The following GRIN1 variants were observed in gnomAD, a reference collection of about 807,000 sequenced individuals.
The protein encoded by GRIN1 is glutamate ionotropic receptor NMDA type subunit 1.
In GRIN1, 38 loss-of-function variants were observed where a neutral mutation model predicts 103.0. The observed-to-expected ratio is 0.37, with a 90% CI of 0.28 to 0.48. The LOEUF is 0.48. GRIN1 is among the 20% of genes least tolerant of loss of function. The pLI is 0.98. For missense variants in GRIN1, 577 were observed against 1,288.9 expected, an observed-to-expected ratio of 0.45 and a Z score of 8.46; for synonymous variants, 544 against 532.7, an observed-to-expected ratio of 1.02 and a Z score of -0.29.
chr9:137,164,980 C>T (rs984534187), intron 18 of GRIN1: 11 of 574,910 alleles, frequency 1.9e-5, no homozygotes, highest in Non-Finnish European at 3.5e-5. Flanking sequence ...AGCCCCAGCA[C>T]GAGCAAGGTC....
chr9:137,144,428 G>C (rs977489077), intron 2 of GRIN1, among the ~76,000 whole-genome samples: 37 of 152,020 alleles, frequency 2.4e-4, no homozygotes, highest in African/African-American at 8.2e-4. Context: ...GCCGAGGCGG[G>C]CGGATCACGA....
At position 137,156,879 on chromosome 9, in the gene GRIN1, G is replaced by T; in HGVS notation, c.810G>T (p.Gln270His). ...CTCGCCTAGGCATCCTCGGGCTGCA[G>T]CTCATCAACGGCAAGAACGAGTCGG... ...RYAPDGILGLQLINGKNESAH... is the reference protein window; with the variant it reads ...RYAPDGILGLHLINGKNESAH... The change falls in exon 6 of 20, where the codon CAG (glutamine) becomes CAT (histidine). Residue 270 changes from glutamine to histidine, a missense_variant. By Grantham distance (24) the Gln-to-His change is conservative. Coordinates refer to ENST00000371561, the MANE Select transcript of GRIN1 (RefSeq NM_007327.4). 6.2e-7 allele frequency: 1 copy of T among 1,612,008 alleles called. No individual in the cohort carries two copies. Among genetic ancestry groups the T allele is most frequent in the Non-Finnish European group, 8.5e-7 (1 of 1,179,648 alleles).
chr9:137,155,269 C>A (rs1328873241), intron 4 of GRIN1, among the ~76,000 whole-genome samples: 1 of 152,158 alleles, frequency 6.6e-6, no homozygotes, highest in African/African-American at 2.4e-5. Flanking sequence ...TGATAGCGGG[C>A]ATGCTGTGCC....
chr9:137,164,460 C>T (rs1274858827), intron 18 of GRIN1: 5 of 205,406 alleles, frequency 2.4e-5, no homozygotes, highest in South Asian at 1.6e-4. Flanking sequence ...TGGGCCTGTA[C>T]AGGCCTAAGG....
intron 11 of GRIN1, 37 bp downstream of exon 11, chr9:137,162,125 G>A (rs1451955329): frequency 3.3e-6 from 5 of 1,529,730 alleles, no homozygotes; most frequent in Non-Finnish European, 3.5e-6. Flanking sequence ...GCGGCGGGGG[G>A]AGTCCCTGGA....
intron 8 of GRIN1, 125 bp downstream of exon 8, chr9:137,158,829 G>T: frequency 1.3e-6 from 1 of 742,540 alleles, no homozygotes; most frequent in Non-Finnish European, 2.4e-6. Context: ...GGTGGGGCCT[G>T]CTTCCCCTGG....
At chr9:137,149,785 C>G (rs537406940) in intron 4 of GRIN1, among the ~76,000 whole-genome samples, 1 of 152,162 alleles carries the variant, frequency 6.6e-6, no homozygotes, top group South Asian at 2.1e-4. Context: ...CAGCCAAAAC[C>G]CCACTGTCCC....
At chr9:137,163,112 C>T (rs2131300853) in intron 15 of GRIN1, 57 bp from the exon 16 acceptor site, 1 of 1,598,928 alleles carries the variant, frequency 6.3e-7, no homozygotes, top group Non-Finnish European at 8.5e-7. Flanking sequence ...AGGGCGCGGG[C>T]GTGGGGCTTC....
At chr9:137,152,877 A>G (rs895878716) in intron 4 of GRIN1, among the ~76,000 whole-genome samples, 5 of 152,088 alleles carry the variant, frequency 3.3e-5, no homozygotes, top group Non-Finnish European at 7.4e-5. Flanking sequence ...CACATGCAGA[A>G]TCATGTACAG....
chr9:137,165,500 G>C (rs1005781842), intron 19 of GRIN1: 2 of 611,026 alleles, frequency 3.3e-6, no homozygotes, highest in Non-Finnish European at 6.0e-6. Context: ...CTGGGTCCTC[G>C]GCTTTCCCCG....
chr9:137,167,776 G>T lies in GRIN1; in HGVS notation c.*249G>T. The T allele has an allele frequency of 6.2e-7, 1 of 1,612,060 alleles. No homozygotes were observed. The highest frequency in any genetic ancestry group is 1.3e-5 in the African/African-American group (1 of 75,040). ...GTCTGTGTATTTCTATTTTGCAGCA[G>T]TACCATCCCACTGATATCACGGGCC... On this transcript the variant is annotated 3_prime_UTR_variant, in exon 20 of 20. Transcript: ENST00000371561.
intron 4 of GRIN1, among the ~76,000 whole-genome samples, chr9:137,156,087 T>C (rs1484408647): frequency 6.6e-6 from 1 of 152,220 alleles, no homozygotes; most frequent in Non-Finnish European, 1.5e-5. Context: ...CTCTGCCACT[T>C]ACCAACTCTT....
intron 18 of GRIN1, chr9:137,164,242 G>A (rs1028274859): frequency 2.5e-6 from 1 of 405,092 alleles, no homozygotes; most frequent in Non-Finnish European, 4.7e-6. Flanking sequence ...CCTGTGTATG[G>A]CACGTGAGTC....
intron 3 of GRIN1, among the ~76,000 whole-genome samples, chr9:137,147,505 C>T (rs1832615632): frequency 6.6e-6 from 1 of 152,194 alleles, no homozygotes; most frequent in Non-Finnish European, 1.5e-5. Flanking sequence ...CACATGCACA[C>T]ATGCACACAC....
intron 2 of GRIN1, among the ~76,000 whole-genome samples, chr9:137,144,601 G>A (rs1003092232): frequency 2.0e-5 from 3 of 149,872 alleles, no homozygotes; most frequent in Non-Finnish European, 3.0e-5. Context: ...CCTGCAGTGA[G>A]CCGAGATTGC....
rs2131300169 is a variant in GRIN1, at chr9:137,162,937, T to C, written c.2105T>C (p.Met702Thr). The C allele has an allele frequency of 6.2e-7, 1 of 1,609,930 alleles. No individual in the cohort carries two copies. ...YFRRQVELST[M>T]YRHMEKHNYE... ...CGGCGCCAGGTGGAGCTGAGCACCA[T>C]GTACCGGCATATGGAGAAGCACAAC... Residue 702 changes from methionine to threonine, a missense_variant, in exon 15 of 20, where the codon ATG becomes ACG. Physicochemically the swap from Met to Thr is moderately conservative, Grantham distance 81 (BLOSUM62 -1). Transcript: ENST00000371561.
At chr9:137,144,170 C>T (rs1192384173) in intron 2 of GRIN1, among the ~76,000 whole-genome samples, 1 of 152,162 alleles carries the variant, frequency 6.6e-6, no homozygotes, top group African/African-American at 2.4e-5. Context: ...GGTGAGCTCA[C>T]CCCAGGCACA....
At position 137,142,595 on chromosome 9, in the gene GRIN1, G is replaced by C. The variant is rs553790276; in HGVS notation, c.393+448G>C. 2.6e-5 allele frequency among the ~76,000 whole-genome samples: 4 copies of C among 152,356 alleles called. No individual in the cohort carries two copies. In the East Asian group the frequency reaches 7.7e-4, roughly 29 times the overall value. On this transcript the variant is annotated intron_variant, in intron 2 of 19. Transcript: ENST00000371561. ...AAAGTCACACACACTCACTGGCACA[G>C]GCACCAGTGACACCCCCTCAGGACG... is the stretch of plus-strand genomic sequence containing the variant.
chr9:137,146,547 C>T lies in GRIN1; in HGVS notation c.570+645C>T, dbSNP rs546588892. Among the ~76,000 whole-genome samples, 16 of 152,340 alleles carry T rather than the reference C, an allele frequency of 1.1e-4. No individual in the cohort carries two copies. Among genetic ancestry groups the T allele is most frequent in the Middle Eastern group, 3.4e-3 (1 of 294 alleles). On this transcript the variant is annotated intron_variant, in intron 3 of 19. Coordinates refer to ENST00000371561, the MANE Select transcript of GRIN1 (RefSeq NM_007327.4). This position sits in a 1 kb window ranked among gnomAD's most constrained non-coding sequence, Gnocchi z 6.7. ...CACCTGGTTCTAGGACACACTGACC[C>T]CCAACACAGCCAGGCGTCCACTCTG...
Sources: gnomAD v4.1 joint callset for allele counts (sites outside exome capture counted in the v4.1 genomes callset) on GRCh38, gnomAD v4.1.1 for gene constraint, Gnocchi (gnomAD v3.1) non-coding constraint, MANE v1.5 for transcripts, NCBI Gene and HGNC (gene_info 2026-07-23, HGNC 2026-07-21) for gene names.